The following FGF14 variants were observed in gnomAD, a reference collection of about 807,000 sequenced individuals.
FGF14 encodes fibroblast growth factor homologous factor 4.
In FGF14, 5 loss-of-function variants were observed where a neutral mutation model predicts 25.5. That is an observed-to-expected ratio of 0.20 (90% CI 0.10 to 0.41). The LOEUF (loss-of-function observed/expected upper bound fraction) is 0.41, where lower values mean the gene tolerates loss of function less well. Ranked by LOEUF, FGF14 falls within the 10% of genes least tolerant of loss-of-function variation. The pLI is 1.00. For synonymous variants in FGF14, 138 were observed against 118.3 expected, an observed-to-expected ratio of 1.17 and a Z score of -1.08; for missense variants, 222 against 320.1, an observed-to-expected ratio of 0.69 and a Z score of 2.34.
In FGF14 at chr13:101,716,699, C is replaced by T. The variant is rs1566806803; in HGVS notation, c.*6132G>A. On this transcript the variant is annotated 3_prime_UTR_variant, in exon 5 of 5. Transcript: ENST00000376143. ...TAAAATACTTTTTTTTCTAAGGATACCTTACTTACTGGAAACCTGGGGTCA... is the reference window on the plus strand; with the variant it reads ...TAAAATACTTTTTTTTCTAAGGATATCTTACTTACTGGAAACCTGGGGTCA... 1 of 150,616 alleles carries T rather than the reference C, an allele frequency of 6.6e-6. No homozygotes were observed. The allele number at this position is 150,616 out of a possible 1,614,324, so 9.3% of individuals were successfully genotyped here.
In FGF14 at chr13:101,714,644, A is replaced by G; in HGVS notation, c.*8187T>C. 1.3e-6 allele frequency: 1 copy of G among 787,896 alleles called. No homozygotes were observed. Among genetic ancestry groups the G allele is most frequent in the Non-Finnish European group, 2.3e-6 (1 of 443,068 alleles). The allele number at this position is 787,896 out of a possible 1,614,324, so 48.8% of individuals were successfully genotyped here. ...TGCAATGCTTTAGGTGGCTGGACCA[A>G]CAGGGCCAACCGTGAATATGAAATA... is the stretch of plus-strand genomic sequence containing the variant. On this transcript the variant is annotated 3_prime_UTR_variant, in exon 5 of 5. Coordinates refer to ENST00000376143, the MANE Select transcript of FGF14 (RefSeq NM_004115.4).
At chr13:101,812,283 T>A (rs553559339) in intron 3 of FGF14, among the ~76,000 whole-genome samples, 1 of 152,222 alleles carries the variant, frequency 6.6e-6, no homozygotes, top group East Asian at 1.9e-4. Flanking sequence ...TTGGTGCAGA[T>A]GTTCTGAGGA....
intron 1 of FGF14, among the ~76,000 whole-genome samples, chr13:102,020,604 GA>G (rs2040592159): frequency 6.6e-6 from 1 of 152,042 alleles, no homozygotes; most frequent in Non-Finnish European, 1.5e-5. Context: ...GAGAAGAGCA[GA>G]AATGTCAGAC....
intron 3 of FGF14, among the ~76,000 whole-genome samples, chr13:101,733,614 AGAGAGAG>A (rs142006799): frequency 0.31 from 44,152 of 142,606 alleles, 7,103 homozygotes; most frequent in East Asian, 0.49. Flanking sequence ...AAAAAAAAAG[AGAGAGAG>A]GAGAGAGAGA....
rs796820690 is a variant in FGF14 at position 102,320,170 on chromosome 13, C to G, written c.208+81301G>C. ...AGGAGTCCTAGATTTGAGTCCCAGT[C>G]TTGCCACTGATCAAAAATGGAAAGA... On this transcript the variant is annotated intron_variant, in intron 1 of 4. Transcript: ENST00000376131. Among the ~76,000 whole-genome samples, 52 of 151,212 alleles carry G rather than the reference C, an allele frequency of 3.4e-4. 1 individual carries two copies. The highest frequency in any genetic ancestry group is 1.2e-3 in the African/African-American group (49 of 41,100).
At chr13:102,308,829 G>C (rs1450318198) in intron 1 of FGF14, among the ~76,000 whole-genome samples, 2 of 150,936 alleles carry the variant, frequency 1.3e-5, no homozygotes, top group Non-Finnish European at 2.9e-5. Context: ...AGTGGGACCT[G>C]GTACCTGGGG....
chr13:101,822,375 T>C (rs536865942), intron 3 of FGF14, among the ~76,000 whole-genome samples: 6 of 152,140 alleles, frequency 3.9e-5, no homozygotes, highest in Non-Finnish European at 8.8e-5. Flanking sequence ...ACAAACTGTC[T>C]TATTGTGACA....
chr13:102,005,909 C>G (rs1050175934), intron 1 of FGF14, among the ~76,000 whole-genome samples: 3 of 152,130 alleles, frequency 2.0e-5, no homozygotes, highest in Admixed American at 2.0e-4. Context: ...AAAATTAAAG[C>G]AAATGAGAGC....
chr13:102,278,769 G>A (rs530023370), intron 1 of FGF14, among the ~76,000 whole-genome samples: 5 of 151,970 alleles, frequency 3.3e-5, no homozygotes, highest in Non-Finnish European at 5.9e-5. Flanking sequence ...ATGACTGAAA[G>A]CAAACAGCAA....
intron 1 of FGF14, among the ~76,000 whole-genome samples, chr13:102,164,410 G>A (rs2607642): frequency 0.2 from 30,940 of 151,932 alleles, 5,632 homozygotes; most frequent in East Asian, 0.7. Flanking sequence ...GAGACCTTGC[G>A]ACCATGCCAG....
At chr13:102,216,943 T>C (rs2050400963) in intron 1 of FGF14, among the ~76,000 whole-genome samples, 1 of 152,212 alleles carries the variant, frequency 6.6e-6, no homozygotes, top group South Asian at 2.1e-4. Context: ...TCACTTAACA[T>C]AATGTCCTCC....
intron 1 of FGF14, among the ~76,000 whole-genome samples, chr13:102,041,051 A>G (rs2041708555): frequency 6.6e-6 from 1 of 151,520 alleles, no homozygotes; most frequent in Admixed American, 6.6e-5. Context: ...ATTGAACTCC[A>G]CTCAAGTCGG....
At chr13:102,202,342 T>C (rs571202230) in intron 1 of FGF14, among the ~76,000 whole-genome samples, 2 of 152,294 alleles carry the variant, frequency 1.3e-5, no homozygotes, top group South Asian at 4.1e-4. Flanking sequence ...CGGTCATTGA[T>C]GAGAAGAAGT....
At chr13:101,821,918 G>A (rs538984386) in intron 3 of FGF14, among the ~76,000 whole-genome samples, 5 of 152,122 alleles carry the variant, frequency 3.3e-5, no homozygotes, top group Admixed American at 6.5e-5. Context: ...AAATATTCTG[G>A]GCATGAGTTC....
At chr13:102,062,530 AAAAC>A (rs1169960366) in intron 1 of FGF14, among the ~76,000 whole-genome samples, 1 of 152,166 alleles carries the variant, frequency 6.6e-6, no homozygotes, top group Admixed American at 6.5e-5. Flanking sequence ...AAAAGAATGA[AAAAC>A]AAAACTAACA....
chr13:102,238,928 A>C (rs571122864), intron 1 of FGF14, among the ~76,000 whole-genome samples: 1 of 152,292 alleles, frequency 6.6e-6, no homozygotes, highest in East Asian at 1.9e-4. Context: ...AAAGAATAGC[A>C]GGACTGAATA....
At chr13:101,963,727 C>T (rs1003101984) in intron 1 of FGF14, among the ~76,000 whole-genome samples, 1 of 152,202 alleles carries the variant, frequency 6.6e-6, no homozygotes, top group Non-Finnish European at 1.5e-5. Flanking sequence ...TCTGTGTTCA[C>T]AATGAATTAC....
chr13:102,113,642 T>G (rs564839944), intron 1 of FGF14, among the ~76,000 whole-genome samples: 1 of 152,290 alleles, frequency 6.6e-6, no homozygotes, highest in Non-Finnish European at 1.5e-5. Flanking sequence ...TCCAAATCTC[T>G]TTACAGTATT....
chr13:101,741,226 T>C (rs2036533135), intron 3 of FGF14, among the ~76,000 whole-genome samples: 1 of 152,026 alleles, frequency 6.6e-6, no homozygotes, highest in Non-Finnish European at 1.5e-5. Context: ...ATCCCAGCTA[T>C]ATGGGAGGGT....
Sources: gnomAD v4.1 joint callset for allele counts (sites outside exome capture counted in the v4.1 genomes callset) on GRCh38, gnomAD v4.1.1 for gene constraint, MANE v1.5 for transcripts, NCBI Gene and HGNC (gene_info 2026-07-23, HGNC 2026-07-21) for gene names.